Variants in ESR2 observed in about 807,000 individuals in gnomAD.
ESR2 encodes estrogen receptor 2.
A neutral mutation model predicts 49.6 loss-of-function variants in ESR2; 36 were observed. The ratio of observed to expected loss-of-function variants is 0.73; its 90% CI spans 0.56 to 0.96. The LOEUF (loss-of-function observed/expected upper bound fraction) is 0.96. Ranked by LOEUF, ESR2 falls within the 40% of genes least tolerant of loss-of-function variation. The pLI is 0.00. For missense variants in ESR2, 714 were observed against 693.0 expected (o/e 1.03, Z -0.34); for synonymous variants, 320 against 266.1 (o/e 1.20, Z -1.97).
intron 7 of ESR2, among the ~76,000 whole-genome samples, chr14:64,239,215 C>T (rs911209568): frequency 9.2e-5 from 14 of 152,146 alleles, no homozygotes; most frequent in African/African-American, 3.4e-4. Context: ...TGTGAGGCTG[C>T]AGGCTGCTGT....
At chr14:64,305,146 CCGGGCGTGGTGG>C (rs2077073464) in intron 1 of ESR2, among the ~76,000 whole-genome samples, 1 of 148,612 alleles carries the variant, frequency 6.7e-6, no homozygotes, top group African/African-American at 2.5e-5. Context: ...AAAAAATTAG[CCGGGCGTGGTGG>C]CGGGCGCCTG....
intron 1 of ESR2, chr14:64,329,779 T>C (rs908128416): frequency 6.6e-6 from 1 of 152,210 alleles, no homozygotes; most frequent in Admixed American, 6.5e-5. Context: ...TAATTTAAAG[T>C]TTTTTATGTC....
rs1012565045 is a variant in ESR2 at position 64,294,162 on chromosome 14, C to T, written c.-220G>A. The stretch of plus-strand genomic sequence containing the variant: ...GAAAGCGAGCGCACCTCCTGCAGCT[C>T]AGGCTCCGGGCGCCAGCCCTGCCCC... On this transcript the variant is annotated 5_prime_UTR_variant, in exon 1 of 9. Transcript: ENST00000341099. 1 of 152,308 alleles carries T rather than the reference C, an allele frequency of 6.6e-6. No individual in the cohort carries two copies. 9.4% of individuals were successfully genotyped at this position (152,308 alleles called of 1,614,324 possible).
chr14:64,313,858 AAC>A (rs1245287282), intron 1 of ESR2, among the ~76,000 whole-genome samples: 1 of 150,370 alleles, frequency 6.7e-6, no homozygotes, highest in African/African-American at 2.5e-5. Flanking sequence ...CAGCCAGGGC[AAC>A]ACAGGGAGAC....
At chr14:64,234,693 T>C (rs1199783422) in intron 8 of ESR2, 1 of 608,904 alleles carries the variant, frequency 1.6e-6, no homozygotes, top group African/African-American at 1.8e-5. Flanking sequence ...ACTGCCCCTT[T>C]TAGGACTCCA....
chr14:64,284,322 T>A (rs115180274), intron 1 of ESR2, among the ~76,000 whole-genome samples: 42 of 152,144 alleles, frequency 2.8e-4, no homozygotes, highest in African/African-American at 1.0e-3. Context: ...TGCTGGCTGA[T>A]TACAGGCAAA....
chr14:64,254,282 G>A (rs185049051), intron 6 of ESR2, among the ~76,000 whole-genome samples: 57 of 152,280 alleles, frequency 3.7e-4, no homozygotes, highest in Middle Eastern at 6.8e-3. Context: ...GCAAAAAAGA[G>A]TCGTAATAGA....
chr14:64,300,773 G>A (rs767344440), intron 1 of ESR2, among the ~76,000 whole-genome samples: 10 of 151,964 alleles, frequency 6.6e-5, no homozygotes, highest in African/African-American at 2.4e-5. Context: ...ATTTTTTTCT[G>A]ACACTCAGCA....
chr14:64,284,329 C>A (rs2076747224), intron 1 of ESR2, among the ~76,000 whole-genome samples: 1 of 151,630 alleles, frequency 6.6e-6, no homozygotes, highest in Non-Finnish European at 1.5e-5. Flanking sequence ...TGATTACAGG[C>A]AAATCTTTTT....
chr14:64,303,976 C>A (rs1173182234), intron 1 of ESR2, among the ~76,000 whole-genome samples: 1 of 152,176 alleles, frequency 6.6e-6, no homozygotes. Context: ...TACATACATT[C>A]ACATAGGATA....
At chr14:64,316,837 C>T (rs982678556) in intron 1 of ESR2, among the ~76,000 whole-genome samples, 1 of 152,056 alleles carries the variant, frequency 6.6e-6, no homozygotes, top group African/African-American at 2.4e-5. Context: ...AAAATAACTA[C>T]AGACTAATAT....
rs139250244 is a variant in ESR2, at chr14:64,331,936, T to C, written c.-91+5962A>G. 2.8e-4 allele frequency among the ~76,000 whole-genome samples: 43 copies of C among 152,072 alleles called. No homozygotes were observed. The East Asian group carries it at 6.4e-3, about 23-fold the overall frequency. On this transcript the variant is annotated intron_variant, in intron 1 of 8. Coordinates refer to the ESR2 transcript ENST00000358599. Reference sequence around the variant, plus strand: ...AATATTGAGAAAAAAAATCATGGTGTGTCACTCAGCCACCATTTTAGCACT... The same window carrying C: ...AATATTGAGAAAAAAAATCATGGTGCGTCACTCAGCCACCATTTTAGCACT...
chr14:64,307,187 ATTAAT>A (rs1210557761), intron 1 of ESR2, among the ~76,000 whole-genome samples: 25 of 151,080 alleles, frequency 1.7e-4, no homozygotes, highest in African/African-American at 5.6e-4. Flanking sequence ...CTAGAGGTTT[ATTAAT>A]TTAATTTAAT....
chr14:64,316,781 C>T (rs993482127), intron 1 of ESR2, among the ~76,000 whole-genome samples: 3 of 152,046 alleles, frequency 2.0e-5, no homozygotes, highest in Non-Finnish European at 4.4e-5. Context: ...TGCACTCCAG[C>T]CTGGGCAATG....
intron 1 of ESR2, among the ~76,000 whole-genome samples, chr14:64,300,467 T>G (rs1026800365): frequency 3.9e-5 from 6 of 152,166 alleles, no homozygotes; most frequent in African/African-American, 1.4e-4. Flanking sequence ...CACCTTAAAA[T>G]TTTTCTGACA....
chr14:64,332,692 C>T (rs1358927036), intron 1 of ESR2, among the ~76,000 whole-genome samples: 3 of 148,272 alleles, frequency 2.0e-5, no homozygotes, highest in African/African-American at 5.0e-5. Flanking sequence ...CCCAGCTACT[C>T]GGGAGGCTAA....
At chr14:64,323,296 C>T (rs1168276920) in intron 1 of ESR2, among the ~76,000 whole-genome samples, 4 of 151,874 alleles carry the variant, frequency 2.6e-5, no homozygotes, top group South Asian at 2.1e-4. Flanking sequence ...CAACCTCTGC[C>T]TCCCAGTTTC....
chr14:64,228,792 A>AAAAC lies in ESR2; in HGVS notation c.*4341_*4344dup, dbSNP rs527449534. On this transcript the variant is annotated 3_prime_UTR_variant, in exon 9 of 9. Coordinates refer to ENST00000341099, the MANE Select transcript of ESR2 (RefSeq NM_001437.3). ...AAGTGAATAGGATCCTCGGAATTAA[A>AAAAC]AAACAAACAAACAAACAAACAAAAA... Among the ~76,000 whole-genome samples, 1,054 of 152,306 alleles carry AAAAC rather than the reference A, an allele frequency of 6.9e-3. 11 individuals are homozygous for AAAAC. The highest frequency in any genetic ancestry group is 0.023 in the African/African-American group (971 of 41,554).
At chr14:64,261,239 C>CT (rs58982771) in intron 4 of ESR2, among the ~76,000 whole-genome samples, 40,097 of 126,538 alleles carry the variant, frequency 0.32, 8,214 homozygotes, top group South Asian at 0.51. Context: ...TTTCTTTTTT[C>CT]TTTTTTTTTT....
Sources: gnomAD v4.1 joint callset for allele counts (sites outside exome capture counted in the v4.1 genomes callset) on GRCh38, gnomAD v4.1.1 for gene constraint, MANE v1.5 for transcripts, NCBI Gene and HGNC (gene_info 2026-07-23, HGNC 2026-07-21) for gene names.